Variants in NNT observed in about 807,000 individuals in gnomAD.
NNT encodes the protein nicotinamide nucleotide transhydrogenase.
A neutral mutation model predicts 104.8 loss-of-function variants in NNT; 50 were observed. That is an observed-to-expected ratio of 0.48 (90% CI 0.38 to 0.60). The LOEUF is 0.60. Among genes scored for constraint, NNT ranks in the 20% least tolerant of loss-of-function variants. NNT has a pLI of 0.00. For missense variants in NNT, 1,131 were observed against 1,330.7 expected, an observed-to-expected ratio of 0.85 and a Z score of 2.33; for synonymous variants, 461 against 490.4, an observed-to-expected ratio of 0.94 and a Z score of 0.79.
At chr5:43,620,380 C>A (rs7720818) in intron 5 of NNT, among the ~76,000 whole-genome samples, 6 of 151,910 alleles carry the variant, frequency 3.9e-5, no homozygotes, top group African/African-American at 1.5e-4. Context: ...CCACCATGCC[C>A]GGTTAATTTT....
intron 11 of NNT, among the ~76,000 whole-genome samples, chr5:43,649,733 C>T (rs1003010099): frequency 6.6e-6 from 1 of 152,192 alleles, no homozygotes; most frequent in Non-Finnish European, 1.5e-5. Flanking sequence ...GCATCAGGTT[C>T]ACCATGAAGC....
At chr5:43,627,452 T>C (rs923438030) in intron 6 of NNT, among the ~76,000 whole-genome samples, 2 of 152,164 alleles carry the variant, frequency 1.3e-5, no homozygotes, top group African/African-American at 4.8e-5. Flanking sequence ...GGAATTTGAA[T>C]TTTTAACAAG....
At chr5:43,640,280 C>T (rs753842573) in intron 7 of NNT, among the ~76,000 whole-genome samples, 22 of 152,104 alleles carry the variant, frequency 1.4e-4, no homozygotes, top group East Asian at 5.8e-4. Context: ...GTACAAAATC[C>T]GGACACATCT....
At chr5:43,616,677 C>G (rs1488415711) in intron 4 of NNT, among the ~76,000 whole-genome samples, 1 of 152,006 alleles carries the variant, frequency 6.6e-6, no homozygotes, top group Non-Finnish European at 1.5e-5. Context: ...GCCTGGAGTA[C>G]TATGTTGAGA....
At chr5:43,636,053 T>C (rs955835329) in intron 7 of NNT, among the ~76,000 whole-genome samples, 2 of 152,206 alleles carry the variant, frequency 1.3e-5, no homozygotes, top group Non-Finnish European at 2.9e-5. Flanking sequence ...TAGAGCCAGA[T>C]AGAGTAGATT....
intron 1 of NNT, among the ~76,000 whole-genome samples, chr5:43,605,037 G>T (rs1749132001): frequency 6.6e-6 from 1 of 152,096 alleles, no homozygotes. Context: ...GACTTCCCAA[G>T]GTCACACAGC....
At chr5:43,606,972 T>C (rs78265581) in intron 1 of NNT, among the ~76,000 whole-genome samples, 13 of 141,696 alleles carry the variant, frequency 9.2e-5, no homozygotes, top group Non-Finnish European at 1.5e-4. Context: ...TGGCAGCAGG[T>C]TTTTTTTGTT....
intron 2 of NNT, among the ~76,000 whole-genome samples, chr5:43,611,859 G>T (rs9654395): frequency 0.012 from 1,855 of 152,240 alleles, 37 homozygotes; most frequent in African/African-American, 0.038. Flanking sequence ...AGGAGAAACT[G>T]ATGTCCTGTA....
At chr5:43,645,705 A>ATT (rs1463913564) in intron 10 of NNT, 195 bp downstream of exon 10, 5 of 96,916 alleles carry the variant, frequency 5.2e-5, no homozygotes, top group African/African-American at 9.0e-5. Flanking sequence ...ATATATATAT[A>ATT]TATATTTTTT....
At chr5:43,616,591 T>C (rs1374608589) in intron 4 of NNT, among the ~76,000 whole-genome samples, 3 of 152,258 alleles carry the variant, frequency 2.0e-5, no homozygotes, top group African/African-American at 7.2e-5. Context: ...AACTGAGGGC[T>C]ATGTCTTCGA....
intron 19 of NNT, among the ~76,000 whole-genome samples, chr5:43,680,980 T>C (rs908783033): frequency 1.1e-4 from 16 of 152,016 alleles, no homozygotes; most frequent in African/African-American, 3.6e-4. Flanking sequence ...CATTGAGTAA[T>C]TAGGGAGGGG....
Position 43,613,138 on chromosome 5 carries a change from G to T in NNT, c.381+1G>T. On this transcript the variant is annotated splice_donor_variant, in intron 3 of 21. Transcript: ENST00000344920. LOFTEE classifies it high-confidence loss of function. ...GCTGGCTTCTGATTTGGTGGTCAAA[G>T]TAATTATTCCTTTTTCCTCTCCCAT... The T allele has an allele frequency of 6.2e-7, 1 of 1,608,406 alleles. No homozygotes were observed.
At chr5:43,629,754 C>T (rs1259024174) in intron 7 of NNT, among the ~76,000 whole-genome samples, 6 of 151,948 alleles carry the variant, frequency 3.9e-5, no homozygotes, top group African/African-American at 1.2e-4. Context: ...TTCATATGTT[C>T]GTTGGCCATT....
intron 19 of NNT, among the ~76,000 whole-genome samples, chr5:43,688,717 C>G (rs1742109276): frequency 6.6e-6 from 1 of 152,186 alleles, no homozygotes; most frequent in African/African-American, 2.4e-5. Flanking sequence ...TCTCCAGTTC[C>G]ATTCAGGTTG....
At position 43,651,732 on chromosome 5, in the gene NNT, T is replaced by G; in HGVS notation, c.1718-7T>G. On this transcript the variant is annotated splice_region_variant and splice_polypyrimidine_tract_variant and intron_variant, in intron 12 of 21. Coordinates refer to ENST00000344920, the MANE Select transcript of NNT (RefSeq NM_182977.3). ...ACTATGTTTTTTATTTCCTTTGGTT[T>G]GCTAAGGTGGCTTTCTGGTGACTCA... 1 of 1,614,052 alleles carries G rather than the reference T, an allele frequency of 6.2e-7. No homozygotes were observed. The highest frequency in any genetic ancestry group is 8.5e-7 in the Non-Finnish European group (1 of 1,179,968).
chr5:43,645,756 C>G (rs1321679155), intron 10 of NNT: 1 of 129,644 alleles, frequency 7.7e-6, no homozygotes, highest in African/African-American at 2.9e-5. Context: ...GCTCTGTCGC[C>G]CAGGCTGGAG....
intron 17 of NNT, among the ~76,000 whole-genome samples, chr5:43,662,885 C>A (rs1194519874): frequency 9.5e-5 from 14 of 147,192 alleles, no homozygotes; most frequent in Admixed American, 6.7e-5. Context: ...CAGAGTGAGA[C>A]CCTGTCTCAA....
chr5:43,615,684 G>T (rs1295589068), intron 3 of NNT, among the ~76,000 whole-genome samples, 164 bp from the exon 4 acceptor site: 1 of 152,170 alleles, frequency 6.6e-6, no homozygotes, highest in East Asian at 1.9e-4. Flanking sequence ...GTATACCTCT[G>T]TGTGTGCCTT....
At chr5:43,663,814 T>C (rs908488771) in intron 17 of NNT, among the ~76,000 whole-genome samples, 4 of 152,236 alleles carry the variant, frequency 2.6e-5, no homozygotes, top group African/African-American at 9.6e-5. Context: ...TTCACCTTTG[T>C]GTTTGTGGAG....
Sources: gnomAD v4.1 joint callset for allele counts (sites outside exome capture counted in the v4.1 genomes callset) on GRCh38, gnomAD v4.1.1 for gene constraint, MANE v1.5 for transcripts, NCBI Gene and HGNC (gene_info 2026-07-23, HGNC 2026-07-21) for gene names.